The following ROBO2 variants were observed in gnomAD, a reference collection of about 807,000 sequenced individuals.
ROBO2 encodes roundabout guidance receptor 2.
A neutral mutation model predicts 160.8 loss-of-function variants in ROBO2; 53 were observed. The ratio of observed to expected loss-of-function variants is 0.33; its 90% CI spans 0.26 to 0.41. The LOEUF (loss-of-function observed/expected upper bound fraction) is 0.41, where lower values mean the gene tolerates loss of function less well. ROBO2 is among the 10% of genes least tolerant of loss of function. The pLI, the probability that ROBO2 is intolerant of heterozygous loss-of-function variation, is 1.00. For missense variants in ROBO2, 1,577 were observed against 1,722.4 expected (o/e 0.92, Z 1.49); for synonymous variants, 664 against 611.7 (o/e 1.09, Z -1.26).
chr3:77,231,466 C>A (rs572979385), intron 2 of ROBO2, among the ~76,000 whole-genome samples: 1 of 151,864 alleles, frequency 6.6e-6, no homozygotes, highest in East Asian at 1.9e-4. Flanking sequence ...CACTTAGGAC[C>A]CCTGATGAGG....
intron 2 of ROBO2, among the ~76,000 whole-genome samples, chr3:76,124,856 T>C (rs1436315633): frequency 6.6e-6 from 1 of 152,138 alleles, no homozygotes; most frequent in Non-Finnish European, 1.5e-5. Flanking sequence ...TTTAAAAATA[T>C]TTCAACTTTC....
intron 19 of ROBO2, among the ~76,000 whole-genome samples, chr3:77,597,207 A>G (rs2094325646): frequency 6.6e-6 from 1 of 152,074 alleles, no homozygotes; most frequent in Non-Finnish European, 1.5e-5. Flanking sequence ...CCCTCATATA[A>G]TATGTCATGT....
At chr3:76,869,052 A>G (rs570919668) in intron 2 of ROBO2, among the ~76,000 whole-genome samples, 1 of 152,200 alleles carries the variant, frequency 6.6e-6, no homozygotes, top group African/African-American at 2.4e-5. Flanking sequence ...GGTGCTCCAC[A>G]TTTCTTAACT....
intron 2 of ROBO2, among the ~76,000 whole-genome samples, chr3:76,355,493 T>C (rs963545334): frequency 1.9e-4 from 29 of 151,742 alleles, no homozygotes; most frequent in African/African-American, 6.8e-4. Context: ...AGGATGAGAA[T>C]TGGATGGCAA....
At chr3:77,282,865 A>C (rs1307328972) in intron 2 of ROBO2, among the ~76,000 whole-genome samples, 1 of 152,006 alleles carries the variant, frequency 6.6e-6, no homozygotes, top group African/African-American at 2.4e-5. Context: ...CTTTACTAGC[A>C]TACAAATAAA....
intron 1 of ROBO2, among the ~76,000 whole-genome samples, chr3:77,078,553 A>G (rs887879511): frequency 1.3e-5 from 2 of 152,150 alleles, no homozygotes; most frequent in East Asian, 1.9e-4. Flanking sequence ...TTGGCATTCA[A>G]AAAGTGCGGT....
In ROBO2 at chr3:76,222,760, CT is replaced by C. The variant is rs35894802; in HGVS notation, c.109+285170del. ...ATGTTTGTTTCACCATTATCCCACACTTTTTTTTTTTTCAGATGGAGTCTCC... is the reference window on the plus strand; with the variant it reads ...ATGTTTGTTTCACCATTATCCCACACTTTTTTTTTTTCAGATGGAGTCTCC... On this transcript the variant is annotated intron_variant, in intron 2 of 26. Transcript: ENST00000487694. Among the ~76,000 whole-genome samples, 434 of 146,126 alleles carry C rather than the reference CT, an allele frequency of 3.0e-3. 4 individuals carry two copies. The highest frequency in any genetic ancestry group is 0.021 in the South Asian group (93 of 4,520).
intron 2 of ROBO2, among the ~76,000 whole-genome samples, chr3:76,158,097 A>G (rs1211221818): frequency 6.6e-6 from 1 of 152,164 alleles, no homozygotes; most frequent in African/African-American, 2.4e-5. Flanking sequence ...TTATATTCAG[A>G]GTGGTTTAGT....
intron 2 of ROBO2, among the ~76,000 whole-genome samples, chr3:77,361,783 G>A (rs1338866652): frequency 3.9e-5 from 6 of 152,148 alleles, no homozygotes; most frequent in Admixed American, 1.3e-4. Flanking sequence ...GGAGGGACAT[G>A]AACATTCAGA....
At chr3:76,569,435 G>T (rs144951915) in intron 2 of ROBO2, among the ~76,000 whole-genome samples, 1 of 152,194 alleles carries the variant, frequency 6.6e-6, no homozygotes, top group Non-Finnish European at 1.5e-5. Flanking sequence ...GACTTAGTTT[G>T]AGTCAGGCCA....
At chr3:76,008,166 T>G (rs1576458751) in intron 2 of ROBO2, among the ~76,000 whole-genome samples, 1 of 126,428 alleles carries the variant, frequency 7.9e-6, no homozygotes, top group African/African-American at 3.1e-5. Context: ...ACCTGGGAGG[T>G]GGAGGTTGCA....
chr3:77,173,924 T>A (rs890654863), intron 2 of ROBO2, among the ~76,000 whole-genome samples: 6 of 152,078 alleles, frequency 3.9e-5, no homozygotes, highest in Non-Finnish European at 8.8e-5. Flanking sequence ...ATCTGGCATA[T>A]CCTATCTTCT....
chr3:76,230,407 T>C (rs1704551268), intron 2 of ROBO2, among the ~76,000 whole-genome samples: 1 of 152,176 alleles, frequency 6.6e-6, no homozygotes, highest in African/African-American at 2.4e-5. Flanking sequence ...TCTCCATTAA[T>C]TGTCAAATTA....
At chr3:77,222,385 G>A (rs747734559) in intron 2 of ROBO2, among the ~76,000 whole-genome samples, 1 of 152,086 alleles carries the variant, frequency 6.6e-6, no homozygotes, top group African/African-American at 2.4e-5. Context: ...ACATGTTACC[G>A]ATAACCTGTC....
At chr3:76,119,612 G>A (rs2070633744) in intron 2 of ROBO2, among the ~76,000 whole-genome samples, 2 of 151,688 alleles carry the variant, frequency 1.3e-5, no homozygotes, top group African/African-American at 2.4e-5. Flanking sequence ...TAGGGCACAT[G>A]TACCCTAGAA....
intron 2 of ROBO2, among the ~76,000 whole-genome samples, chr3:76,554,794 A>C (rs2083608749): frequency 6.6e-6 from 1 of 152,134 alleles, no homozygotes; most frequent in Admixed American, 6.6e-5. Context: ...TTTTATAAAA[A>C]GGCACATTTC....
At chr3:76,289,162 T>G (rs1015264433) in intron 2 of ROBO2, among the ~76,000 whole-genome samples, 1 of 152,178 alleles carries the variant, frequency 6.6e-6, no homozygotes, top group Non-Finnish European at 1.5e-5. Flanking sequence ...CATCTGTTAC[T>G]TTTTGACCCT....
chr3:76,103,443 G>A (rs761851297), intron 2 of ROBO2, among the ~76,000 whole-genome samples: 2 of 152,220 alleles, frequency 1.3e-5, no homozygotes, highest in African/African-American at 2.4e-5. Flanking sequence ...TGTAGTTGGA[G>A]TCTGCAACGC....
intron 2 of ROBO2, among the ~76,000 whole-genome samples, chr3:76,330,599 A>G (rs771828116): frequency 3.3e-5 from 5 of 152,214 alleles, no homozygotes; most frequent in Non-Finnish European, 5.9e-5. Context: ...TTCTTATAAC[A>G]TTGGTTAAAA....
Sources: allele counts gnomAD v4.1 joint callset (sites outside exome capture counted in the v4.1 genomes callset), GRCh38; gene constraint gnomAD v4.1.1; transcripts MANE v1.5; gene names NCBI Gene and HGNC (gene_info 2026-07-23, HGNC 2026-07-21).